DMD: variants seen among roughly 807,000 people sequenced by gnomAD.
The protein encoded by DMD is dystrophin, also known as mutant dystrophin.
A neutral mutation model predicts 330.1 loss-of-function variants in DMD; 63 were observed. That is an observed-to-expected ratio of 0.19 (90% confidence interval 0.16 to 0.24). The LOEUF (loss-of-function observed/expected upper bound fraction) is 0.24. Among genes scored for constraint, DMD ranks in the 10% least tolerant of loss-of-function variants. DMD has a pLI of 1.00. For synonymous variants in DMD, 1,223 were observed against 959.8 expected, an observed-to-expected ratio of 1.27 and a Z score of -5.07; for missense variants, 3,344 against 2,684.1, an observed-to-expected ratio of 1.25 and a Z score of -5.43.
In DMD at chrX:31,725,831, C is replaced by T. The variant is rs940143010; in HGVS notation, c.7660+3800G>A. On this transcript the variant is annotated intron_variant, in intron 52 of 78. Coordinates refer to ENST00000357033, the MANE Select transcript of DMD (RefSeq NM_004006.3). ...TCACCAATATTGTTTGTGAAATAAA[C>T]AGAATGATAAAAGGAAGCAGTTTTA... Among the ~76,000 whole-genome samples the T allele has an allele frequency of 7.1e-5, 8 of 112,379 alleles. No homozygotes were observed. The Admixed American group carries it at 7.5e-4, about 11-fold the overall frequency.
intron 45 of DMD, among the ~76,000 whole-genome samples, chrX:31,967,752 G>A (rs752289399): frequency 7.2e-5 from 8 of 111,404 alleles, no homozygotes; most frequent in Non-Finnish European, 1.3e-4. Context: ...CACGCATTTG[G>A]CTTTCTGTGC....
intron 62 of DMD, among the ~76,000 whole-genome samples, chrX:31,313,008 C>G (rs745515960): frequency 3.7e-5 from 4 of 107,861 alleles, no homozygotes; most frequent in African/African-American, 1.4e-4. Flanking sequence ...GTGCAGCAGA[C>G]CACCATGGCA....
intron 50 of DMD, among the ~76,000 whole-genome samples, chrX:31,792,844 G>T (rs1001608206): frequency 2.7e-5 from 3 of 111,656 alleles, no homozygotes; most frequent in Admixed American, 9.5e-5. Flanking sequence ...CAGCTCAGTG[G>T]GCCATTTGTC....
At chrX:31,849,506 G>C (rs1056213569) in intron 48 of DMD, among the ~76,000 whole-genome samples, 1 of 110,472 alleles carries the variant, frequency 9.1e-6, no homozygotes, top group Non-Finnish European at 1.9e-5. Flanking sequence ...TATTCCAAGA[G>C]GGAACATGGA....
chrX:33,180,246 G>T (rs765550388), intron 1 of DMD, among the ~76,000 whole-genome samples: 1 of 111,577 alleles, frequency 9.0e-6, no homozygotes, highest in African/African-American at 3.3e-5. Context: ...TATTTATCAC[G>T]CACTTTTTAA....
At chrX:33,276,842 G>C (rs1306390410) in intron 1 of DMD, among the ~76,000 whole-genome samples, 2 of 111,503 alleles carry the variant, frequency 1.8e-5, no homozygotes, top group African/African-American at 6.5e-5. Context: ...ATTGTATAGG[G>C]AGGTTGAAGG....
At chrX:31,625,087 AT>A (rs2078767068) in intron 55 of DMD, among the ~76,000 whole-genome samples, 1 of 112,219 alleles carries the variant, frequency 8.9e-6, no homozygotes, top group East Asian at 2.8e-4. Flanking sequence ...TCAAAAGATC[AT>A]TATCCAACCA....
chrX:32,079,214 A>G (rs2096374117), intron 44 of DMD, among the ~76,000 whole-genome samples: 2 of 112,041 alleles, frequency 1.8e-5, no homozygotes, highest in African/African-American at 6.5e-5. Flanking sequence ...CTAGAAGGGT[A>G]GAAGGAACAT....
intron 44 of DMD, among the ~76,000 whole-genome samples, chrX:32,012,220 AG>A (rs1291159896): frequency 8.9e-6 from 1 of 112,232 alleles, no homozygotes; most frequent in East Asian, 2.8e-4. Context: ...TTGGATGGAT[AG>A]AAAGATAGAA....
chrX:32,997,544 C>T (rs912916595), intron 2 of DMD, among the ~76,000 whole-genome samples: 2 of 111,847 alleles, frequency 1.8e-5, no homozygotes, highest in Non-Finnish European at 3.8e-5. Context: ...GCACCCGGCC[C>T]CTCTCACCTT....
intron 7 of DMD, among the ~76,000 whole-genome samples, chrX:32,716,243 G>A (rs1488528307): frequency 3.6e-5 from 4 of 110,848 alleles, no homozygotes; most frequent in African/African-American, 1.3e-4. Flanking sequence ...TTGGAGGAGG[G>A]GCCTGGTGGG....
intron 16 of DMD, among the ~76,000 whole-genome samples, chrX:32,548,243 C>T (rs780559990): frequency 2.3e-4 from 25 of 110,818 alleles, no homozygotes; most frequent in South Asian, 1.9e-3. Flanking sequence ...AAAATAGGGA[C>T]GATGATAATC....
At chrX:31,492,306 C>T (rs755312332) in intron 57 of DMD, among the ~76,000 whole-genome samples, 6 of 112,016 alleles carry the variant, frequency 5.4e-5, no homozygotes, top group East Asian at 5.6e-4. Context: ...AGATCTGATA[C>T]GCAGATCCAG....
chrX:32,652,120 T>A (rs924222578), intron 9 of DMD, among the ~76,000 whole-genome samples: 1 of 111,329 alleles, frequency 9.0e-6, no homozygotes, highest in Non-Finnish European at 1.9e-5. Flanking sequence ...AAACAAAAGG[T>A]TCTAGAGCCA....
At chrX:31,574,411 G>A (rs1412082109) in intron 55 of DMD, among the ~76,000 whole-genome samples, 2 of 110,756 alleles carry the variant, frequency 1.8e-5, no homozygotes, top group African/African-American at 6.6e-5. Flanking sequence ...CCAAAGTGCT[G>A]GGATTACAGG....
At chrX:31,197,963 G>A (rs1334087450) in intron 67 of DMD, among the ~76,000 whole-genome samples, 2 of 101,424 alleles carry the variant, frequency 2.0e-5, no homozygotes, top group East Asian at 3.1e-4. Flanking sequence ...AAGACGTTAT[G>A]TTGAGATCAG....
At chrX:33,148,680 G>A (rs1603354369) in intron 1 of DMD, among the ~76,000 whole-genome samples, 1 of 111,705 alleles carries the variant, frequency 9.0e-6, no homozygotes, top group African/African-American at 3.3e-5. Context: ...GAAAAAATGT[G>A]AAAAATAATG....
chrX:31,273,609 C>T (rs1320880082), intron 62 of DMD, among the ~76,000 whole-genome samples: 2 of 111,600 alleles, frequency 1.8e-5, no homozygotes, highest in African/African-American at 6.5e-5. Flanking sequence ...GGAAGTCATC[C>T]TAAGTTGAAA....
intron 1 of DMD, among the ~76,000 whole-genome samples, chrX:33,323,758 A>C (rs1021520488): frequency 8.9e-5 from 10 of 111,854 alleles, no homozygotes; most frequent in African/African-American, 1.3e-4. Context: ...CACGAGTTCC[A>C]AGTAGATACA....
Sources: gnomAD v4.1 joint callset for allele counts (sites outside exome capture counted in the v4.1 genomes callset) on GRCh38, gnomAD v4.1.1 for gene constraint, MANE v1.5 for transcripts, NCBI Gene and HGNC (gene_info 2026-07-23, HGNC 2026-07-21) for gene names.